The following ARHGEF1 variants were observed in gnomAD, a reference collection of about 807,000 sequenced individuals.
The protein encoded by ARHGEF1 is 115 kDa guanine nucleotide exchange factor.
ARHGEF1 carries 40 observed loss-of-function variants against 119.7 expected under a neutral mutation model. The ratio of observed to expected loss-of-function variants is 0.33; its 90% CI spans 0.26 to 0.44. ARHGEF1 has a LOEUF of 0.44. ARHGEF1 is among the 20% of genes least tolerant of loss of function. ARHGEF1 has a pLI of 1.00. For synonymous variants in ARHGEF1, 494 were observed against 521.0 expected, an observed-to-expected ratio of 0.95 and a Z score of 0.71; for missense variants, 976 against 1,268.3, an observed-to-expected ratio of 0.77 and a Z score of 3.50.
rs782456453 is a variant in ARHGEF1, at chr19:41,883,192, G to T, written c.-117G>T. The T allele has an allele frequency of 1.1e-5, 2 of 176,850 alleles. No homozygotes were observed. The highest frequency in any genetic ancestry group is 1.3e-4 in the South Asian group (2 of 15,076). 11.0% of individuals were successfully genotyped at this position (176,850 alleles called of 1,614,324 possible). ...CTCCGGAAAAACGCCCCGACTTCCT[G>T]CCCCGCCAGAGCCAGGAAGCGGGAG... is the stretch of plus-strand genomic sequence containing the variant. On this transcript the variant is annotated 5_prime_UTR_variant, in exon 1 of 29. Transcript: ENST00000354532. The surrounding 1 kb of genome is among the most constrained non-coding windows in gnomAD (Gnocchi z 7.6).
rs1323495043 is a variant in ARHGEF1 at position 41,889,854 on chromosome 19, ACT to A, written c.225+992_225+993del. The A allele has an allele frequency of 2.6e-5, 4 of 152,022 alleles. No individual in the cohort carries two copies. The highest frequency in any genetic ancestry group is 9.7e-5 in the African/African-American group (4 of 41,392). 9.4% of individuals were successfully genotyped at this position (152,022 alleles called of 1,614,324 possible). ...TCCCCCGACAACCACATGCACGGAG[ACT>A]CTGGCCCTCTGAGCAAGGGAGTCCC... On this transcript the variant is annotated intron_variant, in intron 4 of 28. Transcript: ENST00000354532. This position sits in a 1 kb window ranked among gnomAD's most constrained non-coding sequence, Gnocchi z 4.0.
downstream of ARHGEF1, chr19:41,908,041 C>T (rs1393512476): frequency 4.5e-6 from 2 of 447,060 alleles, no homozygotes; most frequent in Non-Finnish European, 7.4e-6. This position sits in a 1 kb window ranked among gnomAD's most constrained non-coding sequence, Gnocchi z 6.7. Flanking sequence ...ATCACATTCC[C>T]TCTGTCCTCT....
upstream of ARHGEF1, among the ~76,000 whole-genome samples, chr19:41,922,534 G>A (rs543059731): frequency 6.6e-6 from 1 of 152,294 alleles, no homozygotes; most frequent in East Asian, 1.9e-4. Context: ...AGGAGGAACA[G>A]AGAAATGGGG....
Position 41,914,629 on chromosome 19 carries a change from G to GTCTCTGTCTCTCCCTCCCTTTCCACCA in ARHGEF1, c.1865+7845_1865+7871dup, listed in dbSNP as rs1568831858. ...CTCTCCCTCCCCTTCCACCATCTCT[G>GTCTCTGTCTCTCCCTCCCTTTCCACCA]TCTCTGTCTCTCCCTCCCTTTCCAC... is the stretch of plus-strand genomic sequence containing the variant. On this transcript the variant is annotated intron_variant, in intron 18 of 20. Coordinates refer to the ARHGEF1 transcript ENST00000599589. Among the ~76,000 whole-genome samples the GTCTCTGTCTCTCCCTCCCTTTCCACCA allele has an allele frequency of 1.4e-4, 3 of 21,608 alleles. 1 individual carries two copies. The highest frequency in any genetic ancestry group is 2.2e-4 in the Non-Finnish European group (3 of 13,654). The allele number at this position is 21,608 out of a possible 152,430, so 14.2% of individuals were successfully genotyped here.
At chr19:41,924,613 C>A (rs1252282488) in intron 1 of ARHGEF1, among the ~76,000 whole-genome samples, 3 of 152,098 alleles carry the variant, frequency 2.0e-5, no homozygotes, top group African/African-American at 7.2e-5. Flanking sequence ...CAAGCACCTG[C>A]TACTCAGAGA....
chr19:41,895,223 G>A, intron 11 of ARHGEF1, 126 bp from the exon 12 acceptor site: 1 of 1,307,132 alleles, frequency 7.7e-7, no homozygotes, highest in East Asian at 2.3e-5. Context: ...TCCTGGGTCT[G>A]AGGGAGGAAG....
rs782755027 is a variant in ARHGEF1 at position 41,888,897 on chromosome 19, G to T, written c.225+32G>T. ...GCAGGGCTGGGTGGGCACAGGGAGG[G>T]GTGGGGCTGGGACAGGCACAGCTTT... On this transcript the variant is annotated intron_variant, in intron 4 of 28. Transcript: ENST00000354532. The surrounding 1 kb of genome is among the most constrained non-coding windows in gnomAD (Gnocchi z 5.1). 1.3e-6 allele frequency: 2 copies of T among 1,570,828 alleles called. No individual in the cohort carries two copies. Among genetic ancestry groups the T allele is most frequent in the Non-Finnish European group, 1.7e-6 (2 of 1,146,338 alleles).
downstream of ARHGEF1, chr19:41,907,882 C>A (rs1599669507): frequency 5.5e-6 from 1 of 183,334 alleles, no homozygotes; most frequent in East Asian, 1.0e-4. Context: ...GGGGCCAGCA[C>A]AGGGGGTTTG....
rs782151458 is a variant in ARHGEF1, at chr19:41,905,190, C to T, written c.2265C>T (p.Ile755=). The stretch of plus-strand genomic sequence containing the variant: ...TTCTCCCCAGCTGGTGTGCTCTCAT[C>T]ACTGAGACTGCCGGATCCCTGAAAG... ...VSERKNWCAL[I]TETAGSLKVP... The change falls in exon 24 of 29, where the codon ATC becomes ATT. Residue 755 remains isoleucine, a synonymous_variant. Transcript: ENST00000354532. The surrounding 1 kb of genome is among the most constrained non-coding windows in gnomAD (Gnocchi z 6.4). The T allele has an allele frequency of 4.5e-5, 72 of 1,613,926 alleles. No homozygotes were observed. Among genetic ancestry groups the T allele is most frequent in the Non-Finnish European group, 6.0e-5 (71 of 1,179,972 alleles).
rs782527791 is a variant in ARHGEF1 at position 41,902,377 on chromosome 19, G to A, written c.1497+21G>A. ...CCCGGGTGAGATGCCCAGCCCTCCC[G>A]CTCCTCCCAGCTAGACACATGGAAT... On this transcript the variant is annotated intron_variant, in intron 16 of 28. Transcript: ENST00000354532. This position sits in a 1 kb window ranked among gnomAD's most constrained non-coding sequence, Gnocchi z 6.5. 1.9e-5 allele frequency: 30 copies of A among 1,613,416 alleles called. No homozygotes were observed. The highest frequency in any genetic ancestry group is 1.2e-4 in the Admixed American group (7 of 59,990).
rs1275352653 is a variant in ARHGEF1, at chr19:41,904,875, C to T, written c.2162-74C>T. ...AGCGCCACCACTGTGGGTGACTTCT[C>T]CAGCTTGTGCTTAGGGAGGGGCAGG... On this transcript the variant is annotated intron_variant, in intron 22 of 28. Transcript: ENST00000354532. This position sits in a 1 kb window ranked among gnomAD's most constrained non-coding sequence, Gnocchi z 8.4. The T allele has an allele frequency of 6.0e-6, 8 of 1,329,554 alleles. No individual in the cohort carries two copies. The highest frequency in any genetic ancestry group is 8.7e-6 in the Non-Finnish European group (8 of 924,498). 82.4% of individuals were successfully genotyped at this position (1,329,554 alleles called of 1,614,324 possible).
At position 41,901,962 on chromosome 19, in the gene ARHGEF1, A is replaced by G; in HGVS notation, c.1343A>G (p.Glu448Gly). Residue 448 changes from glutamate to glycine, a missense_variant, in exon 15 of 29, where the codon GAA becomes GGA. Glu to Gly is a moderately conservative substitution (Grantham distance 98). Transcript: ENST00000354532. Reference sequence around the variant, plus strand: ...GACCTCTTCTTCCAGCCCATGGCAGAATGCCTGTTCTTCCCCTTGGAGGAG... The same window carrying G: ...GACCTCTTCTTCCAGCCCATGGCAGGATGCCTGTTCTTCCCCTTGGAGGAG... ...LHDLFFQPMAECLFFPLEELQ... is the reference protein window; with the variant it reads ...LHDLFFQPMAGCLFFPLEELQ... The G allele has an allele frequency of 6.2e-7, 1 of 1,614,070 alleles. No homozygotes were observed. Among genetic ancestry groups the G allele is most frequent in the South Asian group, 1.1e-5 (1 of 91,072 alleles).
rs2074669891 is a variant in ARHGEF1 at position 41,905,171 on chromosome 19, C to G, written c.2250-4C>G. The G allele has an allele frequency of 5.0e-6, 8 of 1,613,916 alleles. No homozygotes were observed. The highest frequency in any genetic ancestry group is 6.8e-6 in the Non-Finnish European group (8 of 1,179,874). The stretch of plus-strand genomic sequence containing the variant: ...CTGCCCAGGGATTTGGCCTTTCTCC[C>G]CAGCTGGTGTGCTCTCATCACTGAG... On this transcript the variant is annotated splice_polypyrimidine_tract_variant and splice_region_variant and intron_variant, in intron 23 of 28. Transcript: ENST00000354532. This position sits in a 1 kb window ranked among gnomAD's most constrained non-coding sequence, Gnocchi z 6.4.
In ARHGEF1 at chr19:41,905,991, C is replaced by T. The variant is rs782366792; in HGVS notation, c.2457C>T (p.Pro819=). Residue 819 remains proline (P), a synonymous_variant, in exon 26 of 29, where the codon CCC becomes CCT. Transcript: ENST00000354532. This position sits in a 1 kb window ranked among gnomAD's most constrained non-coding sequence, Gnocchi z 6.4. ...TCCTGCCCTTCTGCAGACCAGGCCCCGAGGGCCAGCTCGCTGCCACGGCCC... is the reference window on the plus strand; with the variant it reads ...TCCTGCCCTTCTGCAGACCAGGCCCTGAGGGCCAGCTCGCTGCCACGGCCC... The part of the protein sequence containing the change: ...SDLLPFCRPG[P]EGQLAATALR... 7 of 1,613,976 alleles carry T rather than the reference C, an allele frequency of 4.3e-6. No homozygotes were observed. The highest frequency in any genetic ancestry group is 1.3e-5 in the African/African-American group (1 of 74,908).
chr19:41,899,892 T>C (rs1414294017), intron 14 of ARHGEF1, among the ~76,000 whole-genome samples: 1 of 150,740 alleles, frequency 6.6e-6, no homozygotes, highest in Non-Finnish European at 1.5e-5. Flanking sequence ...GAGTACTTTT[T>C]GGGTCACAGA....
chr19:41,919,371 C>T (rs2074823910), upstream of ARHGEF1, among the ~76,000 whole-genome samples: 1 of 152,180 alleles, frequency 6.6e-6, no homozygotes, highest in African/African-American at 2.4e-5. Flanking sequence ...ACCACACAAA[C>T]ATACACAATC....
chr19:41,896,342 GCCT>G, intron 12 of ARHGEF1, 32 bp from the exon 13 acceptor site: 2 of 1,181,460 alleles, frequency 1.7e-6, no homozygotes, highest in Non-Finnish European at 2.2e-6. Context: ...GGCCGCAGAG[GCCT>G]TCCAGCCAGC....
At chr19:41,922,741 G>T (rs532484646), upstream of ARHGEF1, among the ~76,000 whole-genome samples, 16 of 152,286 alleles carry the variant, frequency 1.1e-4, no homozygotes, top group East Asian at 1.9e-3. Context: ...GGCTGGGGGG[G>T]ACTCAGGGCT....
chr19:41,922,735 G>GT (rs1369356679), upstream of ARHGEF1, among the ~76,000 whole-genome samples: 1 of 152,164 alleles, frequency 6.6e-6, no homozygotes, highest in African/African-American at 2.4e-5. Context: ...CAGCCGGGCT[G>GT]GGGGGGACTC....
Sources: gnomAD v4.1 joint callset for allele counts (sites outside exome capture counted in the v4.1 genomes callset) on GRCh38, gnomAD v4.1.1 for gene constraint, Gnocchi (gnomAD v3.1) non-coding constraint, MANE v1.5 for transcripts, NCBI Gene and HGNC (gene_info 2026-07-23, HGNC 2026-07-21) for gene names.